The following DHRS4L2 variants were observed in gnomAD, a reference collection of about 807,000 sequenced individuals.
The protein encoded by DHRS4L2 is dehydrogenase/reductase 4 like 2.
Under a neutral mutation model 23.9 loss-of-function variants are expected in DHRS4L2, and 22 were observed. The observed-to-expected ratio is 0.92, with a 90% confidence interval of 0.66 to 1.31. The LOEUF (loss-of-function observed/expected upper bound fraction) is 1.31, where lower values mean the gene tolerates loss of function less well. Among genes scored for constraint, DHRS4L2 ranks in the 40% most tolerant of loss-of-function variants. The pLI, the probability that DHRS4L2 is intolerant of heterozygous loss-of-function variation, is 0.00. For synonymous variants in DHRS4L2, 141 were observed against 123.7 expected, an observed-to-expected ratio of 1.14 and a Z score of -0.93; for missense variants, 385 against 303.3, an observed-to-expected ratio of 1.27 and a Z score of -2.00.
chr14:23,973,245 T>C (rs1222692736), intron 1 of DHRS4L2, among the ~76,000 whole-genome samples: 1 of 151,940 alleles, frequency 6.6e-6, no homozygotes, highest in African/African-American at 2.4e-5. Flanking sequence ...AATACCCTGC[T>C]TTCAAGGGCA....
chr14:23,988,737 G>A (rs1173155215), upstream of DHRS4L2: 37 of 1,356,174 alleles, frequency 2.7e-5, 1 homozygote, highest in East Asian at 1.1e-4. Flanking sequence ...ACCAGCCCGG[G>A]AAGGCAAGCC....
Position 23,983,609 on chromosome 14 carries a change from T to C in DHRS4L2, c.-175-6573T>C, listed in dbSNP as rs975439289. Among the ~76,000 whole-genome samples the C allele has an allele frequency of 3.3e-5, 5 of 151,602 alleles. 1 individual carries two copies. Among genetic ancestry groups the C allele is most frequent in the African/African-American group, 1.2e-4 (5 of 41,274 alleles). On this transcript the variant is annotated intron_variant, in intron 1 of 5. Coordinates refer to the DHRS4L2 transcript ENST00000534993. Reference sequence around the variant, plus strand: ...ATGCTTATTGCAGCACTGTTCACAGTAGCAAAGACTTGGAACCAACCCAAA... The same window carrying C: ...ATGCTTATTGCAGCACTGTTCACAGCAGCAAAGACTTGGAACCAACCCAAA...
At chr14:23,977,770 G>T (rs989649251) in intron 1 of DHRS4L2, among the ~76,000 whole-genome samples, 13 of 151,432 alleles carry the variant, frequency 8.6e-5, no homozygotes, top group African/African-American at 3.2e-4. Context: ...GACCCTTGTT[G>T]TATATTAATT....
At chr14:23,985,266 A>C (rs1411722528), upstream of DHRS4L2, among the ~76,000 whole-genome samples, 2 of 151,678 alleles carry the variant, frequency 1.3e-5, no homozygotes, top group African/African-American at 2.4e-5. Context: ...CTACATTAAA[A>C]CACCCATTTC....
At chr14:23,991,867 C>A (rs1169147502) in intron 2 of DHRS4L2, among the ~76,000 whole-genome samples, 1 of 151,158 alleles carries the variant, frequency 6.6e-6, no homozygotes, top group African/African-American at 2.4e-5. Context: ...TCCCGAGTAG[C>A]TAGGATTACA....
At chr14:23,970,078 C>G (rs1414618625) in exon 1 of DHRS4L2, 2 of 456,388 alleles carry the variant, frequency 4.4e-6, no homozygotes, top group African/African-American at 4.0e-5. Context: ...CTGCAGCAGC[C>G]TCGGCAGTAG....
chr14:23,988,995 G>C lies in DHRS4L2; in HGVS notation c.48G>C (p.Ser16=), dbSNP rs752479726. 5 of 1,611,328 alleles carry C rather than the reference G, an allele frequency of 3.1e-6. No individual in the cohort carries two copies. Among genetic ancestry groups the C allele is most frequent in the South Asian group, 1.1e-5 (1 of 90,582 alleles). Reference sequence around the variant, plus strand: ...GCCTCTGTGCCTGGGCACGGAAGTCGGTGCGGATGGCCAGCTCCAGGATGA... The same window carrying C: ...GCCTCTGTGCCTGGGCACGGAAGTCCGTGCGGATGGCCAGCTCCAGGATGA... The part of the protein sequence containing the change: ...LLGLCAWARK[S]VRMASSRMTR... Residue 16 remains serine (S), a synonymous_variant, in exon 1 of 8, where the codon TCG becomes TCC. Transcript: ENST00000335125.
At chr14:24,000,717 C>T in intron 3 of DHRS4L2, 146 bp from the exon 4 acceptor site, 2 of 795,654 alleles carry the variant, frequency 2.5e-6, no homozygotes, top group Non-Finnish European at 4.0e-6. Flanking sequence ...ACCTCAGTTC[C>T]TTCATGTGTA....
intron 3 of DHRS4L2, among the ~76,000 whole-genome samples, chr14:23,999,506 C>A (rs1399687702): frequency 1.3e-5 from 2 of 148,538 alleles, no homozygotes; most frequent in Non-Finnish European, 3.0e-5. Flanking sequence ...CTTTAAAAAA[C>A]ACACACACAC....
chr14:23,982,412 G>A (rs1197171170), intron 1 of DHRS4L2, among the ~76,000 whole-genome samples: 1 of 151,608 alleles, frequency 6.6e-6, no homozygotes, highest in Non-Finnish European at 1.5e-5. Context: ...TCAGGGTACA[G>A]GTCAAAATGG....
intron 1 of DHRS4L2, among the ~76,000 whole-genome samples, chr14:23,981,228 T>C (rs2034046234): frequency 6.6e-6 from 1 of 151,416 alleles, no homozygotes; most frequent in Non-Finnish European, 1.5e-5. Flanking sequence ...ATAAAATACC[T>C]AGGAATCCAA....
intron 3 of DHRS4L2, among the ~76,000 whole-genome samples, chr14:23,995,453 C>A (rs2034362029): frequency 6.6e-6 from 1 of 151,804 alleles, no homozygotes; most frequent in South Asian, 2.1e-4. Context: ...AATATGCCAA[C>A]AACTACAACA....
intron 2 of DHRS4L2, among the ~76,000 whole-genome samples, chr14:23,994,161 G>T (rs998716426): frequency 1.3e-5 from 2 of 151,738 alleles, no homozygotes; most frequent in African/African-American, 4.8e-5. Context: ...TTTCCATTCA[G>T]GTAAGTGTGG....
At chr14:23,993,172 T>C (rs2034303371) in intron 2 of DHRS4L2, among the ~76,000 whole-genome samples, 1 of 151,488 alleles carries the variant, frequency 6.6e-6, no homozygotes, top group African/African-American at 2.4e-5. Context: ...TGCACATCAC[T>C]TATTAACTTA....
In DHRS4L2 at chr14:24,001,447, G is replaced by C. The variant is rs567478473; in HGVS notation, c.595G>C (p.Glu199Gln). Reference protein sequence around the residue: ...LLGLNNTLAIELAPRNIRVNC... With the variant: ...LLGLNNTLAIQLAPRNIRVNC... Reference sequence around the variant, plus strand: ...GGGCCTCAACAATACCCTGGCCATAGAGCTGGCCCCAAGGAACATTAGGGT... The same window carrying C: ...GGGCCTCAACAATACCCTGGCCATACAGCTGGCCCCAAGGAACATTAGGGT... Residue 199 changes from glutamate to glutamine, a missense_variant, in exon 6 of 8, where the codon GAG becomes CAG. Coordinates refer to ENST00000335125, the MANE Select transcript of DHRS4L2 (RefSeq NM_198083.4). 53 of 1,607,048 alleles carry C rather than the reference G, an allele frequency of 3.3e-5. 1 individual carries two copies. Among genetic ancestry groups the C allele is most frequent in the Non-Finnish European group, 4.3e-5 (51 of 1,179,304 alleles).
Position 23,990,354 on chromosome 14 carries a change from G to T in DHRS4L2, c.301G>T (p.Ala101Ser), listed in dbSNP as rs759748439. 28 of 1,609,598 alleles carry T rather than the reference G, an allele frequency of 1.7e-5. No homozygotes were observed. The East Asian group carries it at 6.2e-4, about 36-fold the overall frequency. Residue 101 changes from alanine (A) to serine (S), a missense_variant, in exon 2 of 8, where the codon GCC becomes TCC. Ala to Ser is a moderately conservative substitution (Grantham distance 99). Transcript: ENST00000335125. ...GGCGGAGGACCGGGAGCGGCTGGTG[G>T]CCATGGTGAGCTGCAGGGAAATGGG... ...GKAEDRERLV[A>S]MAVKLHGGID...
At position 24,005,868 on chromosome 14, in the gene DHRS4L2, G is replaced by A. The variant is rs1360495321; in HGVS notation, c.*23-18G>A. On this transcript the variant is annotated intron_variant, in intron 7 of 7. Coordinates refer to ENST00000335125, the MANE Select transcript of DHRS4L2 (RefSeq NM_198083.4). ...CCGTTTGATTTTTACCTCCTTCCTT[G>A]CTTCCCTTATTCCCCAGGTTAGGCG... The A allele has an allele frequency of 6.2e-7, 1 of 1,609,478 alleles. No individual in the cohort carries two copies.
Position 23,990,225 on chromosome 14 carries a change from C to G in DHRS4L2, c.172C>G (p.His58Asp), listed in dbSNP as rs779206377. 1.9e-6 allele frequency: 3 copies of G among 1,612,854 alleles called. No individual in the cohort carries two copies. The Admixed American group carries it at 5.0e-5, about 27-fold the overall frequency. Residue 58 changes from histidine (H) to aspartate (D), a missense_variant, in exon 2 of 8, where the codon CAC becomes GAC. Coordinates refer to ENST00000335125, the MANE Select transcript of DHRS4L2 (RefSeq NM_198083.4). ...CCGGCGTTTGGCCCAGGACAGGGCC[C>G]ACGTGGTCGTCAGCAGCCGGAAGCA... ...IARRLAQDRA[H>D]VVVSSRKQQN...
chr14:23,987,365 G>A (rs61999789), upstream of DHRS4L2: 3,917 of 201,928 alleles, frequency 0.019, 100 homozygotes, highest in African/African-American at 0.028. Context: ...TCCTGACCCC[G>A]TGATCCGCCC....
Sources: gnomAD v4.1 joint callset for allele counts (sites outside exome capture counted in the v4.1 genomes callset) on GRCh38, gnomAD v4.1.1 for gene constraint, MANE v1.5 for transcripts, NCBI Gene and HGNC (gene_info 2026-07-23, HGNC 2026-07-21) for gene names.